Variants in ABHD17B observed in about 807,000 individuals in gnomAD.
The protein encoded by ABHD17B is abhydrolase domain containing 17B, depalmitoylase, also known as alpha/beta hydrolase domain-containing protein 17B.
Under a neutral mutation model 26.2 loss-of-function variants are expected in ABHD17B, and 9 were observed. The ratio of observed to expected loss-of-function variants is 0.34; its 90% CI spans 0.21 to 0.60. The LOEUF (loss-of-function observed/expected upper bound fraction) is 0.60, where lower values mean the gene tolerates loss of function less well. ABHD17B is among the 20% of genes least tolerant of loss of function. ABHD17B has a pLI of 0.80. For missense variants in ABHD17B, 224 were observed against 352.1 expected, an observed-to-expected ratio of 0.64 and a Z score of 2.91; for synonymous variants, 127 against 122.3, an observed-to-expected ratio of 1.04 and a Z score of -0.25.
At chr9:71,896,750 A>G (rs924689701) in intron 1 of ABHD17B, among the ~76,000 whole-genome samples, 1 of 152,034 alleles carries the variant, frequency 6.6e-6, no homozygotes, top group African/African-American at 2.4e-5. Flanking sequence ...CCCTCTCCTC[A>G]CCTTTTCAAA....
rs576175609 is a variant in ABHD17B, at chr9:71,898,768, T to C, written c.-4+11866A>G. Among the ~76,000 whole-genome samples, 27 of 152,152 alleles carry C rather than the reference T, an allele frequency of 1.8e-4. No individual in the cohort carries two copies. In the South Asian group the frequency reaches 5.2e-3, roughly 29 times the overall value. ...ATCCCAGCACTTTGGGAGGCCGAGGTAGGTGGATCACTTGAGCTCAGGCAT... is the reference window on the plus strand; with the variant it reads ...ATCCCAGCACTTTGGGAGGCCGAGGCAGGTGGATCACTTGAGCTCAGGCAT... On this transcript the variant is annotated intron_variant, in intron 1 of 3. Coordinates refer to ENST00000333421, the MANE Select transcript of ABHD17B (RefSeq NM_001025780.3).
At chr9:71,895,209 T>A (rs1826920837) in intron 1 of ABHD17B, among the ~76,000 whole-genome samples, 1 of 152,202 alleles carries the variant, frequency 6.6e-6, no homozygotes, top group Non-Finnish European at 1.5e-5. Context: ...AGATAGATAT[T>A]ATTTTTTCCT....
intron 1 of ABHD17B, among the ~76,000 whole-genome samples, chr9:71,900,448 G>A (rs1203534030): frequency 1.3e-5 from 2 of 151,568 alleles, no homozygotes; most frequent in African/African-American, 4.8e-5. Context: ...ACAGGAGTTC[G>A]AGACCAGCCT....
chr9:71,893,576 T>C (rs964763166), intron 1 of ABHD17B, among the ~76,000 whole-genome samples: 5 of 152,200 alleles, frequency 3.3e-5, no homozygotes, highest in African/African-American at 1.2e-4. Flanking sequence ...CTGAATCCAG[T>C]CCTTTTGGAT....
intron 1 of ABHD17B, among the ~76,000 whole-genome samples, chr9:71,900,989 A>T (rs1299794263): frequency 6.6e-6 from 1 of 152,034 alleles, no homozygotes; most frequent in Non-Finnish European, 1.5e-5. Context: ...CTCTCCTAAA[A>T]AAAATACAAA....
chr9:71,866,937 G>C lies in ABHD17B; in HGVS notation c.717C>G (p.Asp239Glu). Residue 239 changes from aspartate (D) to glutamate (E), a missense_variant, in exon 4 of 4, where the codon GAC becomes GAG. Physicochemically the swap from Asp to Glu is conservative, Grantham distance 45 (BLOSUM62 2). Coordinates refer to ENST00000333421, the MANE Select transcript of ABHD17B (RefSeq NM_001025780.3). ...CAAACAATGCGAGGCCATGTGAAAA[G>C]TCAATGACTTCATCTTCAGTCCCAT... Reference protein sequence around the residue: ...IIHGTEDEVIDFSHGLALFER... With the variant: ...IIHGTEDEVIEFSHGLALFER... The C allele has an allele frequency of 1.9e-6, 3 of 1,614,150 alleles. No homozygotes were observed. Among genetic ancestry groups the C allele is most frequent in the Non-Finnish European group, 2.5e-6 (3 of 1,180,020 alleles).
chr9:71,886,530 T>C (rs1324291989), intron 1 of ABHD17B, among the ~76,000 whole-genome samples: 1 of 152,132 alleles, frequency 6.6e-6, no homozygotes, highest in African/African-American at 2.4e-5. Context: ...GCATGCCTTA[T>C]GCAGGACCAA....
chr9:71,867,098 G>T lies in ABHD17B; in HGVS notation c.648-92C>A, dbSNP rs1221061331. The T allele has an allele frequency of 5.9e-5, 84 of 1,429,568 alleles. 1 individual carries two copies. In the Middle Eastern group the frequency reaches 8.2e-4, roughly 14 times the overall value. The allele number at this position is 1,429,568 out of a possible 1,614,324, so 88.6% of individuals were successfully genotyped here. A position where few individuals can be genotyped will look rare whatever the true frequency, so the allele number is the denominator to read the frequency against. On this transcript the variant is annotated intron_variant, in intron 3 of 3. Transcript: ENST00000333421. ...TATATCAGACAGATAATTCAAATAT[G>T]AGAATTGTATGAATCAGTTCAGAAG...
chr9:71,887,226 G>A (rs1312527235), intron 1 of ABHD17B, among the ~76,000 whole-genome samples: 1 of 152,114 alleles, frequency 6.6e-6, no homozygotes, highest in Non-Finnish European at 1.5e-5. Context: ...GGTGAAGATA[G>A]GAGGCATCAA....
At position 71,876,640 on chromosome 9, in the gene ABHD17B, G is replaced by C. The variant is rs1826284593; in HGVS notation, c.-3-1557C>G. 4.0e-5 allele frequency among the ~76,000 whole-genome samples: 6 copies of C among 151,898 alleles called. No individual in the cohort carries two copies. In the South Asian group the frequency reaches 1.3e-3, roughly 32 times the overall value. On this transcript the variant is annotated intron_variant, in intron 1 of 3. Transcript: ENST00000333421. The stretch of plus-strand genomic sequence containing the variant: ...AAAAAAATCTAAATATAAGAATAGG[G>C]GGAAAAAAGTACCCTATTACACCAA...
At chr9:71,887,352 TAGA>T (rs557849604) in intron 1 of ABHD17B, among the ~76,000 whole-genome samples, 176 of 152,236 alleles carry the variant, frequency 1.2e-3, no homozygotes, top group African/African-American at 4.2e-3. Flanking sequence ...GACATTATAG[TAGA>T]AGATGAAAAT....
chr9:71,894,135 T>G (rs537811826), intron 1 of ABHD17B, among the ~76,000 whole-genome samples: 161 of 147,828 alleles, frequency 1.1e-3, no homozygotes, highest in African/African-American at 3.8e-3. Flanking sequence ...TACTTCACTT[T>G]GGAGATTCTA....
At chr9:71,880,474 GA>G (rs1233730896) in intron 1 of ABHD17B, among the ~76,000 whole-genome samples, 1 of 151,290 alleles carries the variant, frequency 6.6e-6, no homozygotes, top group Non-Finnish European at 1.5e-5. Flanking sequence ...ATGAACTAAA[GA>G]AAAAAAACAC....
downstream of ABHD17B, among the ~76,000 whole-genome samples, chr9:71,863,488 GCT>G (rs1454601055): frequency 1.3e-5 from 2 of 152,176 alleles, no homozygotes; most frequent in Non-Finnish European, 2.9e-5. Flanking sequence ...CCATAGGTAA[GCT>G]CTCAGGAGTA....
chr9:71,886,885 T>C (rs1218130728), intron 1 of ABHD17B, among the ~76,000 whole-genome samples: 3 of 152,228 alleles, frequency 2.0e-5, no homozygotes, highest in African/African-American at 4.8e-5. Context: ...AAAATATTAA[T>C]GTTTTAATAT....
intron 1 of ABHD17B, among the ~76,000 whole-genome samples, chr9:71,882,600 G>C (rs1409374017): frequency 6.6e-6 from 1 of 151,058 alleles, no homozygotes; most frequent in Non-Finnish European, 1.5e-5. Flanking sequence ...GGAGGTTGCA[G>C]TGAGCTGAGA....
chr9:71,907,070 G>C (rs542091820), intron 1 of ABHD17B, among the ~76,000 whole-genome samples: 59 of 152,156 alleles, frequency 3.9e-4, no homozygotes, highest in Middle Eastern at 6.8e-3. Flanking sequence ...ATGTAGGTAG[G>C]GTCAAGAACC....
At chr9:71,870,811 T>C (rs911709828) in intron 2 of ABHD17B, among the ~76,000 whole-genome samples, 3 of 152,208 alleles carry the variant, frequency 2.0e-5, no homozygotes, top group Admixed American at 6.5e-5. Flanking sequence ...TTAAAATTGA[T>C]CTTTGCTTAG....
At chr9:71,862,890 C>T (rs551052819), downstream of ABHD17B, among the ~76,000 whole-genome samples, 1 of 152,230 alleles carries the variant, frequency 6.6e-6, no homozygotes, top group Non-Finnish European at 1.5e-5. Context: ...CCTCCCACCT[C>T]AGACTCTTAA....
Sources: allele counts gnomAD v4.1 joint callset (sites outside exome capture counted in the v4.1 genomes callset), GRCh38; gene constraint gnomAD v4.1.1; transcripts MANE v1.5; gene names NCBI Gene and HGNC (gene_info 2026-07-23, HGNC 2026-07-21).